Variants in YES1 observed in about 807,000 individuals in gnomAD.
The protein encoded by YES1 is tyrosine-protein kinase Yes.
A neutral mutation model predicts 70.4 loss-of-function variants in YES1; 39 were observed. The observed-to-expected ratio is 0.55, with a 90% CI of 0.43 to 0.72. The LOEUF is 0.72. YES1 is among the 30% of genes least tolerant of loss of function. The pLI, the probability that YES1 is intolerant of heterozygous loss-of-function variation, is 0.00. For missense variants in YES1, 495 were observed against 644.8 expected (o/e 0.77, Z 2.52); for synonymous variants, 198 against 218.6 (o/e 0.91, Z 0.83).
chr18:757,486 G>C (rs1484018443), intron 1 of YES1, among the ~76,000 whole-genome samples: 3 of 139,908 alleles, frequency 2.1e-5, no homozygotes, highest in East Asian at 2.1e-4. Flanking sequence ...CTGGGCGACA[G>C]AGCGAGACTC....
intron 1 of YES1, among the ~76,000 whole-genome samples, chr18:810,586 A>C (rs933350458): frequency 6.6e-6 from 1 of 152,206 alleles, no homozygotes. Flanking sequence ...TTTATCTTTT[A>C]TCCTGGAAAC....
intron 1 of YES1, among the ~76,000 whole-genome samples, chr18:785,654 T>C (rs1315093859): frequency 6.6e-6 from 1 of 152,014 alleles, no homozygotes; most frequent in East Asian, 1.9e-4. Flanking sequence ...CTTTAAGATG[T>C]AAATAGGTTA....
At chr18:771,084 G>A (rs1299001595) in intron 1 of YES1, among the ~76,000 whole-genome samples, 1 of 152,108 alleles carries the variant, frequency 6.6e-6, no homozygotes, top group Admixed American at 6.6e-5. Flanking sequence ...TCAAGTGATG[G>A]CTGGGCATGG....
At chr18:741,118 G>T (rs916917602) in intron 8 of YES1, among the ~76,000 whole-genome samples, 3 of 152,060 alleles carry the variant, frequency 2.0e-5, no homozygotes, top group Non-Finnish European at 4.4e-5. Context: ...GGCTGGGATC[G>T]AACTCCTGAC....
upstream of YES1, chr18:812,444 C>T (rs998242942): frequency 2.0e-5 from 3 of 152,172 alleles, no homozygotes; most frequent in African/African-American, 4.8e-5. Flanking sequence ...TCCGGGGCCC[C>T]CAGCCTTCCG....
chr18:734,641 G>A (rs74540657), intron 10 of YES1, among the ~76,000 whole-genome samples: 18,128 of 151,558 alleles, frequency 0.12, 1,221 homozygotes, highest in East Asian at 0.27. Flanking sequence ...TAAAACTACA[G>A]TGAGACACTA....
chr18:763,702 T>TTAA (rs1339325846), intron 1 of YES1, among the ~76,000 whole-genome samples: 1 of 52,876 alleles, frequency 1.9e-5, no homozygotes, highest in Non-Finnish European at 3.5e-5. Context: ...GATCCTGTCT[T>TTAA]CAAAAAAAAA....
At chr18:772,502 G>C (rs541317054) in intron 1 of YES1, among the ~76,000 whole-genome samples, 58 of 151,198 alleles carry the variant, frequency 3.8e-4, no homozygotes, top group Non-Finnish European at 6.9e-4. Context: ...GTGCGATCTC[G>C]GCTCACTGCA....
At chr18:801,829 T>C (rs984888245) in intron 1 of YES1, among the ~76,000 whole-genome samples, 1 of 152,336 alleles carries the variant, frequency 6.6e-6, no homozygotes, top group South Asian at 2.1e-4. Flanking sequence ...ATTCTTTTGA[T>C]GAATTAAGTT....
chr18:807,242 G>C (rs1274097423), intron 1 of YES1, among the ~76,000 whole-genome samples: 2 of 151,928 alleles, frequency 1.3e-5, no homozygotes, highest in Non-Finnish European at 2.9e-5. Context: ...GCTGAGGCAG[G>C]AGAATCACTT....
chr18:740,751 G>GA (rs759171685), intron 8 of YES1, among the ~76,000 whole-genome samples: 15 of 152,150 alleles, frequency 9.9e-5, no homozygotes, highest in Non-Finnish European at 2.2e-4. Flanking sequence ...CTCCCGCCTG[G>GA]AAATAATTGT....
intron 11 of YES1, among the ~76,000 whole-genome samples, chr18:728,475 T>C (rs957197229): frequency 1.3e-5 from 2 of 152,226 alleles, no homozygotes; most frequent in African/African-American, 4.8e-5. Context: ...TGTGGAATTT[T>C]CCATTTGTGT....
At chr18:737,689 T>C (rs1048084292) in intron 9 of YES1, among the ~76,000 whole-genome samples, 4 of 152,248 alleles carry the variant, frequency 2.6e-5, no homozygotes, top group Non-Finnish European at 5.9e-5. Flanking sequence ...AGCCTGTTTT[T>C]GCACAGCCAG....
intron 1 of YES1, among the ~76,000 whole-genome samples, chr18:770,201 G>A (rs2145775766): frequency 6.6e-6 from 1 of 151,610 alleles, no homozygotes; most frequent in Middle Eastern, 3.5e-3. Context: ...GTCGTGATCT[G>A]CCTGCCTCGG....
chr18:752,095 T>C (rs575208946), intron 2 of YES1, among the ~76,000 whole-genome samples: 17 of 152,276 alleles, frequency 1.1e-4, no homozygotes, highest in Non-Finnish European at 2.2e-4. Context: ...TCTGTAGACT[T>C]GGAGAAACAA....
rs181105211 is a variant in YES1, at chr18:788,173, A to C, written c.-9+23941T>G. On this transcript the variant is annotated intron_variant, in intron 1 of 11. Coordinates refer to ENST00000314574, the MANE Select transcript of YES1 (RefSeq NM_005433.4). ...GAAGTAAAAAAATTAATATGGAAAT[A>C]GCATGAATGGTTTTATTCTAGTTCA... Among the ~76,000 whole-genome samples, 157 of 152,374 alleles carry C rather than the reference A, an allele frequency of 1.0e-3. 4 individuals carry two copies. The East Asian group carries it at 0.026, about 26-fold the overall frequency.
intron 1 of YES1, among the ~76,000 whole-genome samples, chr18:783,390 AAC>A (rs34769090): frequency 0.35 from 52,108 of 149,472 alleles, 9,707 homozygotes; most frequent in African/African-American, 0.49. Flanking sequence ...ATGTAGGGGA[AAC>A]ACACACACAC....
intron 1 of YES1, among the ~76,000 whole-genome samples, chr18:783,905 C>T (rs960349859): frequency 2.0e-5 from 3 of 152,134 alleles, no homozygotes; most frequent in African/African-American, 7.2e-5. Flanking sequence ...TGAACCACCG[C>T]ACCTAGCTCA....
intron 6 of YES1, among the ~76,000 whole-genome samples, chr18:744,976 T>G (rs1366234511): frequency 6.6e-6 from 1 of 152,116 alleles, no homozygotes; most frequent in African/African-American, 2.4e-5. Context: ...TAAATTCACA[T>G]TGTGACAAAG....
Sources: gnomAD v4.1 joint callset for allele counts (sites outside exome capture counted in the v4.1 genomes callset) on GRCh38, gnomAD v4.1.1 for gene constraint, MANE v1.5 for transcripts, NCBI Gene and HGNC (gene_info 2026-07-23, HGNC 2026-07-21) for gene names.